HNF4A: variants seen among roughly 807,000 people sequenced by gnomAD.
HNF4A encodes hepatocyte nuclear factor 4-alpha.
In HNF4A, 15 loss-of-function variants were observed where a neutral mutation model predicts 52.4. The ratio of observed to expected loss-of-function variants is 0.29; its 90% CI spans 0.19 to 0.44. The LOEUF is 0.44. Among genes scored for constraint, HNF4A ranks in the 20% least tolerant of loss-of-function variants. HNF4A has a pLI of 1.00. For missense variants in HNF4A, 479 were observed against 647.2 expected (o/e 0.74, Z 2.82); for synonymous variants, 280 against 264.4 (o/e 1.06, Z -0.57).
intron 1 of HNF4A, chr20:44,402,729 G>A: frequency 1.3e-6 from 1 of 791,518 alleles, no homozygotes; most frequent in South Asian, 1.5e-5. Context: ...AGAGGGGGCA[G>A]GCAGCTGGCT....
rs1444546686 is a variant in HNF4A, at chr20:44,429,917, G to T, written c.*252G>T. 1.9e-6 allele frequency: 1 copy of T among 535,410 alleles called. No individual in the cohort carries two copies. The highest frequency in any genetic ancestry group is 3.3e-6 in the Non-Finnish European group (1 of 299,534). 33.2% of individuals were successfully genotyped at this position (535,410 alleles called of 1,614,324 possible). On this transcript the variant is annotated 3_prime_UTR_variant, in exon 10 of 10. Transcript: ENST00000316099. ...CTTGGACAACTTTTCTCATGTTGAA[G>T]CCACTGCCTTCACCTTCACCTTCAT... is the stretch of plus-strand genomic sequence containing the variant.
intron 1 of HNF4A, among the ~76,000 whole-genome samples, chr20:44,370,639 G>T (rs1395147469): frequency 6.6e-6 from 1 of 152,200 alleles, no homozygotes; most frequent in Non-Finnish European, 1.5e-5. Flanking sequence ...AGGGAGTTAG[G>T]CTGTCTTGTC....
chr20:44,420,021 A>G (rs1327808440), intron 7 of HNF4A, 145 bp downstream of exon 7: 8 of 855,568 alleles, frequency 9.4e-6, no homozygotes, highest in Non-Finnish European at 1.6e-5. Flanking sequence ...TTAACAGATG[A>G]GGCAAGTCAA....
At chr20:44,358,643 A>C (rs1205761011) in intron 1 of HNF4A, among the ~76,000 whole-genome samples, 1 of 152,018 alleles carries the variant, frequency 6.6e-6, no homozygotes, top group Non-Finnish European at 1.5e-5. Context: ...AAAACAAAAA[A>C]CAAACAAAAA....
chr20:44,368,086 A>G (rs11468327), intron 1 of HNF4A, among the ~76,000 whole-genome samples: 1,302 of 102,236 alleles, frequency 0.013, 13 homozygotes, highest in Non-Finnish European at 0.018. Flanking sequence ...ATATATATAT[A>G]TGTGTGTGTG....
intron 7 of HNF4A, among the ~76,000 whole-genome samples, chr20:44,420,267 G>T (rs1568737402): frequency 6.6e-6 from 1 of 152,044 alleles, no homozygotes; most frequent in South Asian, 2.1e-4. Flanking sequence ...GGGAGGCGGA[G>T]GTTGCAGTGA....
At chr20:44,385,057 ATCTTTTTTTTTT>A (rs2063203591) in intron 1 of HNF4A, among the ~76,000 whole-genome samples, 4 of 29,938 alleles carry the variant, frequency 1.3e-4, no homozygotes, top group South Asian at 2.4e-3. Context: ...GAACTCTGTG[ATCTTTTTTTTTT>A]TTTTTTTTTT....
rs376530197 is a variant in HNF4A, at chr20:44,414,608, C to T, written c.594C>T (p.Leu198=). 2.4e-5 allele frequency: 38 copies of T among 1,613,916 alleles called. No individual in the cohort carries two copies. In the Middle Eastern group the frequency reaches 8.2e-4, roughly 35 times the overall value. ...CCATGAAGGAGCAGCTGCTGGTTCT[C>T]GTTGAGTGGGCCAAGTACATCCCAG... The change falls in exon 5 of 10, where the codon CTC becomes CTT. Residue 198 remains leucine, a synonymous_variant. Transcript: ENST00000316099.
intron 1 of HNF4A, among the ~76,000 whole-genome samples, chr20:44,379,894 C>T (rs1438526011): frequency 3.9e-5 from 6 of 152,030 alleles, no homozygotes; most frequent in South Asian, 4.2e-4. Context: ...CCACCATGCC[C>T]GGCTAATTTT....
chr20:44,424,652 G>GA (rs1315364589), intron 8 of HNF4A: 2 of 1,344,244 alleles, frequency 1.5e-6, no homozygotes, highest in Non-Finnish European at 1.9e-6. Context: ...GAGTTTAACT[G>GA]AAAAGGAATC....
At chr20:44,370,845 A>G (rs1285300107) in intron 1 of HNF4A, among the ~76,000 whole-genome samples, 2 of 152,190 alleles carry the variant, frequency 1.3e-5, no homozygotes, top group Admixed American at 6.5e-5. Context: ...CTCTCCCCAG[A>G]CAGCCACTGT....
intron 8 of HNF4A, chr20:44,424,738 G>T (rs1326182516): frequency 4.4e-6 from 2 of 458,220 alleles, no homozygotes; most frequent in Non-Finnish European, 6.9e-6. Flanking sequence ...CGGCTGAAAG[G>T]AAATGGAAGG....
At chr20:44,386,787 T>C (rs1454775780) in intron 1 of HNF4A, among the ~76,000 whole-genome samples, 1 of 152,224 alleles carries the variant, frequency 6.6e-6, no homozygotes, top group African/African-American at 2.4e-5. Context: ...CAAGAAACCC[T>C]GGTTAGCCAT....
At chr20:44,368,156 A>ATTT (rs1568690704) in intron 1 of HNF4A, among the ~76,000 whole-genome samples, 3 of 12,994 alleles carry the variant, frequency 2.3e-4, no homozygotes, top group Non-Finnish European at 4.2e-4. Flanking sequence ...ATATATATAT[A>ATTT]TATATTTTTT....
chr20:44,359,760 C>T (rs1482007917), intron 1 of HNF4A, among the ~76,000 whole-genome samples: 2 of 152,020 alleles, frequency 1.3e-5, no homozygotes, highest in Admixed American at 6.6e-5. Context: ...GCCAAATGTA[C>T]CCTGGGGCAC....
chr20:44,365,003 C>T (rs574430440), intron 1 of HNF4A, among the ~76,000 whole-genome samples: 12 of 152,168 alleles, frequency 7.9e-5, no homozygotes, highest in South Asian at 4.2e-4. Flanking sequence ...CCTAGCGGGG[C>T]GGGACTAGCT....
At chr20:44,376,098 A>G (rs1237910171) in intron 1 of HNF4A, among the ~76,000 whole-genome samples, 1 of 151,734 alleles carries the variant, frequency 6.6e-6, no homozygotes, top group Admixed American at 6.6e-5. Context: ...TACAAAAAAA[A>G]TTAGCCGGGC....
At chr20:44,406,033 C>T (rs1454222398) in intron 1 of HNF4A, 25 bp from the exon 2 acceptor site, 13 of 1,608,868 alleles carry the variant, frequency 8.1e-6, no homozygotes, top group African/African-American at 1.3e-5. Context: ...TTCCTGAAGC[C>T]TCACTCCCTT....
intron 1 of HNF4A, chr20:44,390,624 T>C (rs1463415740): frequency 7.1e-6 from 5 of 702,396 alleles, no homozygotes; most frequent in Admixed American, 2.0e-5. Context: ...CGGGACCCCA[T>C]AGCAGCAGGA....
Sources: allele counts gnomAD v4.1 joint callset (sites outside exome capture counted in the v4.1 genomes callset), GRCh38; gene constraint gnomAD v4.1.1; transcripts MANE v1.5; gene names NCBI Gene and HGNC (gene_info 2026-07-23, HGNC 2026-07-21).